Variants in CCNY observed in about 807,000 individuals in gnomAD.
CCNY encodes cyclin-Y.
Under a neutral mutation model 42.8 loss-of-function variants are expected in CCNY, and 19 were observed. That is an observed-to-expected ratio of 0.44 (90% CI 0.31 to 0.65). The LOEUF (loss-of-function observed/expected upper bound fraction) is 0.65, where lower values mean the gene tolerates loss of function less well. CCNY is among the 30% of genes least tolerant of loss of function. CCNY has a pLI of 0.07. For synonymous variants in CCNY, 165 were observed against 162.7 expected (o/e 1.01, Z -0.11); for missense variants, 370 against 437.3 (o/e 0.85, Z 1.37).
intron 5 of CCNY, among the ~76,000 whole-genome samples, 162 bp from the exon 6 acceptor site, chr10:35,529,811 A>T (rs1840726774): frequency 6.6e-6 from 1 of 151,904 alleles, no homozygotes; most frequent in Non-Finnish European, 1.5e-5. Context: ...TGGAGGTTGC[A>T]GTGAGCTGAG....
intron 3 of CCNY, among the ~76,000 whole-genome samples, chr10:35,295,295 G>T (rs1835458646): frequency 6.6e-6 from 1 of 151,058 alleles, no homozygotes; most frequent in Non-Finnish European, 1.5e-5. Flanking sequence ...GCAATGGTGT[G>T]ATCTTGGCTC....
At position 35,502,505 on chromosome 10, in the gene CCNY, GC is replaced by G. The variant is rs373833019; in HGVS notation, c.264+971del. 2.4e-4 allele frequency among the ~76,000 whole-genome samples: 36 copies of G among 152,278 alleles called. No homozygotes were observed. In the East Asian group the frequency reaches 6.2e-3, roughly 26 times the overall value. ...AATGCAGTTGGGAAGAAATTCATAA[GC>G]TGGGCCCTTACACTCAAGGGACATG... On this transcript the variant is annotated intron_variant, in intron 3 of 9. Transcript: ENST00000374704.
chr10:35,420,716 T>C (rs1422916430), intron 1 of CCNY, among the ~76,000 whole-genome samples: 1 of 152,204 alleles, frequency 6.6e-6, no homozygotes, highest in African/African-American at 2.4e-5. Context: ...AAGTAAACTT[T>C]TTTAAAGCAA....
intron 8 of CCNY, among the ~76,000 whole-genome samples, chr10:35,563,410 T>G (rs1841504120): frequency 6.6e-6 from 1 of 152,132 alleles, no homozygotes; most frequent in South Asian, 2.1e-4. Context: ...TTGGGCAGGA[T>G]TATCAGGCTG....
At chr10:35,367,014 CTGT>C (rs905194641) in intron 1 of CCNY, among the ~76,000 whole-genome samples, 5 of 152,180 alleles carry the variant, frequency 3.3e-5, no homozygotes, top group Admixed American at 6.5e-5. Flanking sequence ...ACTGAATTGT[CTGT>C]TGTTCTCATA....
intron 1 of CCNY, among the ~76,000 whole-genome samples, chr10:35,349,617 A>C (rs1317471622): frequency 6.6e-6 from 1 of 152,188 alleles, no homozygotes; most frequent in African/African-American, 2.4e-5. Flanking sequence ...CTTGGTGTGA[A>C]ATTCAAGGAC....
At chr10:35,253,844 C>T (rs1343565269) in intron 3 of CCNY, among the ~76,000 whole-genome samples, 2 of 150,530 alleles carry the variant, frequency 1.3e-5, no homozygotes, top group East Asian at 1.9e-4. Context: ...ATTGATGTTG[C>T]TCTCAATATC....
intron 3 of CCNY, among the ~76,000 whole-genome samples, chr10:35,514,325 T>C (rs1840385139): frequency 6.6e-6 from 1 of 152,212 alleles, no homozygotes; most frequent in African/African-American, 2.4e-5. Flanking sequence ...TTCGAAGTTA[T>C]TAAATAGTTT....
intron 7 of CCNY, among the ~76,000 whole-genome samples, chr10:35,541,238 G>T (rs1742021746): frequency 6.6e-6 from 1 of 151,780 alleles, no homozygotes; most frequent in South Asian, 2.1e-4. Flanking sequence ...TTTTAAATTA[G>T]TTTTAGATTT....
chr10:35,291,512 A>G (rs1459147179), intron 3 of CCNY, among the ~76,000 whole-genome samples: 1 of 146,106 alleles, frequency 6.8e-6, no homozygotes, highest in Non-Finnish European at 1.5e-5. Context: ...CTGCTACAGC[A>G]TTTGTGTACG....
intron 3 of CCNY, among the ~76,000 whole-genome samples, chr10:35,309,749 T>A (rs988588874): frequency 6.6e-6 from 1 of 151,926 alleles, no homozygotes; most frequent in East Asian, 1.9e-4. Context: ...ACTAATTTTT[T>A]ATTGATACAT....
chr10:35,374,418 G>A (rs1011350752), intron 1 of CCNY, among the ~76,000 whole-genome samples: 15 of 152,152 alleles, frequency 9.9e-5, no homozygotes, highest in Admixed American at 9.2e-4. Context: ...TTTCATCAGA[G>A]TGCCCTGTTG....
At chr10:35,425,112 C>G (rs1838238357) in intron 1 of CCNY, among the ~76,000 whole-genome samples, 2 of 152,196 alleles carry the variant, frequency 1.3e-5, no homozygotes, top group Admixed American at 6.5e-5. Flanking sequence ...GCACGGGAGA[C>G]ACACACTGTT....
chr10:35,555,674 T>C (rs1018208126), intron 8 of CCNY, among the ~76,000 whole-genome samples: 5 of 152,352 alleles, frequency 3.3e-5, no homozygotes, highest in African/African-American at 1.2e-4. Context: ...ATGTTTCTTC[T>C]AAGCAATTGG....
chr10:35,557,365 A>G (rs1481147966), intron 8 of CCNY, among the ~76,000 whole-genome samples: 1 of 152,198 alleles, frequency 6.6e-6, no homozygotes, highest in Non-Finnish European at 1.5e-5. Flanking sequence ...TGTACATTTA[A>G]GTCAAAATTG....
intron 1 of CCNY, among the ~76,000 whole-genome samples, chr10:35,460,406 T>C (rs1839131982): frequency 6.6e-6 from 1 of 152,144 alleles, no homozygotes; most frequent in African/African-American, 2.4e-5. Flanking sequence ...GTGTCCAATC[T>C]TTTGGCTTCC....
chr10:35,485,751 A>C (rs993849471), intron 2 of CCNY, among the ~76,000 whole-genome samples: 2 of 151,860 alleles, frequency 1.3e-5, no homozygotes, highest in Non-Finnish European at 2.9e-5. Flanking sequence ...AAAAAAAAAA[A>C]ACACGTAGAT....
intron 1 of CCNY, among the ~76,000 whole-genome samples, chr10:35,467,442 G>A (rs889023273): frequency 2.1e-4 from 32 of 152,154 alleles, no homozygotes; most frequent in Non-Finnish European, 1.6e-4. Context: ...ACACATTGCT[G>A]AATACCCCCT....
Position 35,569,199 on chromosome 10 carries a change from T to G in CCNY, c.*29T>G. 2 of 1,244,898 alleles carry G rather than the reference T, an allele frequency of 1.6e-6. No individual in the cohort carries two copies. The highest frequency in any genetic ancestry group is 2.4e-6 in the Non-Finnish European group (2 of 848,666). The allele number at this position is 1,244,898 out of a possible 1,614,324, so 77.1% of individuals were successfully genotyped here. ...CGGAGGCCCGCCGGAGGCCACACCA[T>G]CCCTTAGTTTCTCCTTTAGTTTGAG... On this transcript the variant is annotated 3_prime_UTR_variant, in exon 10 of 10. Coordinates refer to ENST00000374704, the MANE Select transcript of CCNY (RefSeq NM_145012.6).
Sources: gnomAD v4.1 joint callset for allele counts (sites outside exome capture counted in the v4.1 genomes callset) on GRCh38, gnomAD v4.1.1 for gene constraint, MANE v1.5 for transcripts, NCBI Gene and HGNC (gene_info 2026-07-23, HGNC 2026-07-21) for gene names.